Variants in XRCC5 observed in about 807,000 individuals in gnomAD.
The protein encoded by XRCC5 is X-ray repair cross complementing 5.
A neutral mutation model predicts 95.7 loss-of-function variants in XRCC5; 12 were observed. The ratio of observed to expected loss-of-function variants is 0.13; its 90% CI spans 0.08 to 0.20. XRCC5 has a LOEUF of 0.20. Among genes scored for constraint, XRCC5 ranks in the 10% least tolerant of loss-of-function variants. The pLI, the probability that XRCC5 is intolerant of heterozygous loss-of-function variation, is 1.00. For missense variants in XRCC5, 595 were observed against 873.9 expected, an observed-to-expected ratio of 0.68 and a Z score of 4.02; for synonymous variants, 281 against 290.3, an observed-to-expected ratio of 0.97 and a Z score of 0.33.
intron 18 of XRCC5, 120 bp downstream of exon 18, chr2:216,192,855 A>G (rs1348662610): frequency 1.5e-6 from 1 of 666,080 alleles, no homozygotes; most frequent in East Asian, 3.4e-5. Context: ...TATGTGGGAA[A>G]CATGATGACT....
At chr2:216,113,279 A>G in intron 2 of XRCC5, 150 bp downstream of exon 2, 1 of 604,384 alleles carries the variant, frequency 1.7e-6, no homozygotes. Flanking sequence ...CTCACATACA[A>G]CTTCACCTAC....
intron 14 of XRCC5, among the ~76,000 whole-genome samples, chr2:216,157,856 T>A (rs1172849177): frequency 6.6e-6 from 1 of 152,230 alleles, no homozygotes; most frequent in Non-Finnish European, 1.5e-5. Flanking sequence ...GTGTATAAAT[T>A]TCTACTTTCT....
chr2:216,145,954 G>A (rs1267645831), intron 13 of XRCC5, among the ~76,000 whole-genome samples: 1 of 152,166 alleles, frequency 6.6e-6, no homozygotes, highest in African/African-American at 2.4e-5. Context: ...AAGCTGTTCA[G>A]GTATTTTAAT....
At position 216,115,185 on chromosome 2, in the gene XRCC5, C is replaced by T. The variant is rs568024144; in HGVS notation, c.136-1474C>T. 1.2e-3 allele frequency among the ~76,000 whole-genome samples: 185 copies of T among 152,156 alleles called. 2 individuals carry two copies. Among genetic ancestry groups the T allele is most frequent in the African/African-American group, 4.4e-3 (181 of 41,492 alleles). Reference sequence around the variant, plus strand: ...TGTCTGTCGTTTCAATTGTTTACTTCGAGAAGACCAAGAACCGAGATTACT... The same window carrying T: ...TGTCTGTCGTTTCAATTGTTTACTTTGAGAAGACCAAGAACCGAGATTACT... On this transcript the variant is annotated intron_variant, in intron 2 of 20. Coordinates refer to ENST00000392132, the MANE Select transcript of XRCC5 (RefSeq NM_021141.4).
chr2:216,149,886 T>G (rs986543949), intron 14 of XRCC5, among the ~76,000 whole-genome samples: 48 of 152,220 alleles, frequency 3.2e-4, no homozygotes, highest in African/African-American at 1.2e-3. Context: ...AAGTTAATCT[T>G]GCAGGGGCCT....
chr2:216,135,670 G>A (rs771700829), intron 10 of XRCC5, among the ~76,000 whole-genome samples: 3 of 151,948 alleles, frequency 2.0e-5, no homozygotes, highest in Admixed American at 6.5e-5. Context: ...ATGGTGGCGC[G>A]TGCCTATAAT....
At chr2:216,133,557 A>C (rs1403368560) in intron 10 of XRCC5, among the ~76,000 whole-genome samples, 1 of 152,260 alleles carries the variant, frequency 6.6e-6, no homozygotes, top group South Asian at 2.1e-4. Context: ...CTGGGTATGC[A>C]GTGAGGAATC....
chr2:216,113,013 C>T lies in XRCC5; in HGVS notation c.22-3C>T. On this transcript the variant is annotated splice_polypyrimidine_tract_variant and splice_region_variant and intron_variant, in intron 1 of 20. Transcript: ENST00000392132. ...CAAACACTCTTTGGAACTTTGTTTC[C>T]AGGCAGCTGTTGTGCTGTGTATGGA... The T allele has an allele frequency of 1.2e-6, 2 of 1,608,382 alleles. No homozygotes were observed. Among genetic ancestry groups the T allele is most frequent in the South Asian group, 1.1e-5 (1 of 90,066 alleles).
At position 216,162,345 on chromosome 2, in the gene XRCC5, G is replaced by A. The variant is rs903497330; in HGVS notation, c.1834+297G>A. Among the ~76,000 whole-genome samples the A allele has an allele frequency of 5.3e-5, 8 of 151,800 alleles. No homozygotes were observed. The East Asian group carries it at 7.7e-4, about 15-fold the overall frequency. On this transcript the variant is annotated intron_variant, in intron 16 of 20. Coordinates refer to ENST00000392132, the MANE Select transcript of XRCC5 (RefSeq NM_021141.4). ...CATTGAAGTTTTTTAGGATTTTGTC[G>A]TGAGCTATAAATAAAACACTTTTAT...
At chr2:216,131,132 T>C (rs1696988006) in intron 9 of XRCC5, 145 bp downstream of exon 9, 2 of 1,411,088 alleles carry the variant, frequency 1.4e-6, no homozygotes, top group Non-Finnish European at 1.8e-6. Context: ...GTTGCCATGG[T>C]ATGTATTTTA....
chr2:216,112,242 A>G (rs1292921308), intron 1 of XRCC5, among the ~76,000 whole-genome samples: 1 of 152,112 alleles, frequency 6.6e-6, no homozygotes, highest in Non-Finnish European at 1.5e-5. Flanking sequence ...AGCTTATGTG[A>G]TTCCGTCTGT....
At chr2:216,192,058 G>A (rs945924030) in intron 17 of XRCC5, among the ~76,000 whole-genome samples, 2 of 152,080 alleles carry the variant, frequency 1.3e-5, no homozygotes, top group African/African-American at 4.8e-5. Context: ...GAGTGCAGTG[G>A]CATGATCTCG....
intron 13 of XRCC5, among the ~76,000 whole-genome samples, chr2:216,141,670 C>T (rs1233754356): frequency 6.6e-6 from 1 of 150,990 alleles, no homozygotes; most frequent in Non-Finnish European, 1.5e-5. Context: ...AACTCCTGTG[C>T]TCAAGCACTC....
At chr2:216,195,874 C>T (rs1383855317) in intron 19 of XRCC5, among the ~76,000 whole-genome samples, 1 of 152,208 alleles carries the variant, frequency 6.6e-6, no homozygotes, top group African/African-American at 2.4e-5. Context: ...CTCTCAGTTA[C>T]TAAGCTTCTG....
intron 16 of XRCC5, among the ~76,000 whole-genome samples, chr2:216,169,985 G>A (rs1689126309): frequency 7.5e-6 from 1 of 134,214 alleles, no homozygotes; most frequent in South Asian, 2.5e-4. Context: ...GTTGCAGTGA[G>A]CTGAAATCGT....
chr2:216,180,244 G>C lies in XRCC5; in HGVS notation c.1835-9981G>C, dbSNP rs572005170. Among the ~76,000 whole-genome samples, 3 of 152,338 alleles carry C rather than the reference G, an allele frequency of 2.0e-5. No homozygotes were observed. In the South Asian group the frequency reaches 6.2e-4, roughly 32 times the overall value. ...GGGCACAGGTGGAAGGGGTAACTTAGATAACACACAGACAGTTCAGCAAAG... is the reference window on the plus strand; with the variant it reads ...GGGCACAGGTGGAAGGGGTAACTTACATAACACACAGACAGTTCAGCAAAG... On this transcript the variant is annotated intron_variant, in intron 16 of 20. Coordinates refer to ENST00000392132, the MANE Select transcript of XRCC5 (RefSeq NM_021141.4).
chr2:216,148,925 A>G (rs1688689774), intron 14 of XRCC5, among the ~76,000 whole-genome samples: 1 of 151,784 alleles, frequency 6.6e-6, no homozygotes, highest in African/African-American at 2.4e-5. Context: ...AACAAGAAGA[A>G]ATTGTTGTTG....
At chr2:216,160,324 CTTCT>C (rs1688928154) in intron 15 of XRCC5, among the ~76,000 whole-genome samples, 163 bp downstream of exon 15, 1 of 152,184 alleles carries the variant, frequency 6.6e-6, no homozygotes, top group African/African-American at 2.4e-5. Flanking sequence ...CCATTCCATA[CTTCT>C]TTAAGTAATT....
chr2:216,177,261 G>A (rs1364538129), intron 16 of XRCC5, among the ~76,000 whole-genome samples: 6 of 152,124 alleles, frequency 3.9e-5, no homozygotes, highest in East Asian at 3.8e-4. Flanking sequence ...GTTGTTTTCC[G>A]TGACGTTTTG....
Sources: gnomAD v4.1 joint callset for allele counts (sites outside exome capture counted in the v4.1 genomes callset) on GRCh38, gnomAD v4.1.1 for gene constraint, MANE v1.5 for transcripts, NCBI Gene and HGNC (gene_info 2026-07-23, HGNC 2026-07-21) for gene names.